Variants in PDZD2 observed in about 807,000 individuals in gnomAD.
PDZD2 encodes PDZ domain-containing protein 2.
In PDZD2, 90 loss-of-function variants were observed where a neutral mutation model predicts 220.7. The ratio of observed to expected loss-of-function variants is 0.41; its 90% CI spans 0.34 to 0.49. The LOEUF (loss-of-function observed/expected upper bound fraction) is 0.49, where lower values mean the gene tolerates loss of function less well. Ranked by LOEUF, PDZD2 falls within the 20% of genes least tolerant of loss-of-function variation. The pLI is 0.28. For missense variants in PDZD2, 3,174 were observed against 3,608.5 expected, an observed-to-expected ratio of 0.88 and a Z score of 3.08; for synonymous variants, 1,375 against 1,450.5, an observed-to-expected ratio of 0.95 and a Z score of 1.18.
At chr5:31,674,618 A>G (rs865925509) in intron 1 of PDZD2, among the ~76,000 whole-genome samples, 1 of 152,142 alleles carries the variant, frequency 6.6e-6, no homozygotes, top group Admixed American at 6.6e-5. Context: ...GGGAGGGAGG[A>G]CAAGATAGAA....
chr5:31,725,520 T>C, intron 1 of PDZD2: 1 of 1,323,578 alleles, frequency 7.6e-7, no homozygotes, highest in Non-Finnish European at 1.0e-6. Flanking sequence ...ATGATCATGG[T>C]TTATACTACC....
chr5:32,097,470 C>A, intron 22 of PDZD2, 90 bp downstream of exon 22: 1 of 789,058 alleles, frequency 1.3e-6, no homozygotes, highest in Non-Finnish European at 2.2e-6. Flanking sequence ...TCAGCGGGTT[C>A]AGAGATTGCT....
intron 2 of PDZD2, among the ~76,000 whole-genome samples, chr5:31,898,637 G>T (rs1490630781): frequency 6.6e-6 from 1 of 152,176 alleles, no homozygotes; most frequent in African/African-American, 2.4e-5. Flanking sequence ...ACATGGCAAA[G>T]TGATGCTTGC....
Position 31,946,755 on chromosome 5 carries a change from A to T in PDZD2, c.477-36400A>T, listed in dbSNP as rs575067790. ...TGCCCAGGTTGGAGTGCACTGGTGC[A>T]ATGATAGCTCACTGTAACCTTGAAC... On this transcript the variant is annotated intron_variant, in intron 2 of 24. Coordinates refer to ENST00000438447, the MANE Select transcript of PDZD2 (RefSeq NM_178140.4). Among the ~76,000 whole-genome samples, 5 of 152,306 alleles carry T rather than the reference A, an allele frequency of 3.3e-5. No homozygotes were observed. In the East Asian group the frequency reaches 7.7e-4, roughly 23 times the overall value.
chr5:31,949,462 G>T (rs894111772), intron 2 of PDZD2, among the ~76,000 whole-genome samples: 2 of 152,076 alleles, frequency 1.3e-5, no homozygotes, highest in Non-Finnish European at 2.9e-5. Flanking sequence ...AATATCTTCT[G>T]CCCTTTAATC....
intron 1 of PDZD2, among the ~76,000 whole-genome samples, chr5:31,696,789 C>T (rs402520): frequency 0.45 from 68,825 of 152,014 alleles, 16,275 homozygotes; most frequent in East Asian, 0.62. Flanking sequence ...AACTCTAGGC[C>T]CTTCTCCCCT....
chr5:31,935,953 C>A, intron 2 of PDZD2: 1 of 247,474 alleles, frequency 4.0e-6, no homozygotes, highest in Non-Finnish European at 6.5e-6. Context: ...TCCCCCCATA[C>A]TCCTGGAAAA....
intron 6 of PDZD2, among the ~76,000 whole-genome samples, chr5:32,012,772 T>A (rs1753428203): frequency 6.6e-6 from 1 of 152,092 alleles, no homozygotes; most frequent in South Asian, 2.1e-4. Flanking sequence ...AATACTAGTA[T>A]ATGAAGCTCT....
chr5:31,649,265 C>G (rs2150105492), intron 1 of PDZD2, among the ~76,000 whole-genome samples: 1 of 152,194 alleles, frequency 6.6e-6, no homozygotes, highest in South Asian at 2.1e-4. Flanking sequence ...ATTCAGGCTC[C>G]TTGCCCCAGT....
intron 16 of PDZD2, 151 bp downstream of exon 16, chr5:32,071,569 G>A: frequency 3.0e-6 from 2 of 676,940 alleles, no homozygotes; most frequent in East Asian, 2.5e-5. Flanking sequence ...ATGCTCATTT[G>A]AGAATAGATG....
At chr5:31,795,490 T>C (rs1753971808) in intron 1 of PDZD2, among the ~76,000 whole-genome samples, 1 of 152,204 alleles carries the variant, frequency 6.6e-6, no homozygotes, top group South Asian at 2.1e-4. Flanking sequence ...TACACAAAAA[T>C]GGACTGGGCT....
chr5:32,020,686 C>A (rs528308789), intron 6 of PDZD2, among the ~76,000 whole-genome samples: 97 of 151,216 alleles, frequency 6.4e-4, no homozygotes, highest in African/African-American at 2.3e-3. Context: ...TCACTGTCAC[C>A]CAGGCTGGAG....
chr5:31,973,180 A>T (rs937876038), intron 2 of PDZD2, among the ~76,000 whole-genome samples: 10 of 152,200 alleles, frequency 6.6e-5, no homozygotes, highest in Non-Finnish European at 8.8e-5. Flanking sequence ...CCAAATCTTC[A>T]TGTAAGCTTA....
In PDZD2 at chr5:31,940,616, T is replaced by C. The variant is rs190802272; in HGVS notation, c.477-42539T>C. Among the ~76,000 whole-genome samples the C allele has an allele frequency of 2.8e-3, 430 of 152,294 alleles. 2 individuals carry two copies. Among genetic ancestry groups the C allele is most frequent in the African/African-American group, 0.01 (418 of 41,554 alleles). On this transcript the variant is annotated intron_variant, in intron 2 of 24. Transcript: ENST00000438447. ...GTCTGTATTTTTGGTAATTTTGAGG[T>C]TTGGGGGTTGTCAGGTAGCCTAAAG...
At chr5:31,728,000 CTCA>C (rs1749278672) in intron 1 of PDZD2, among the ~76,000 whole-genome samples, 1 of 65,646 alleles carries the variant, frequency 1.5e-5, no homozygotes. Flanking sequence ...CAGACTCTGT[CTCA>C]AAAAAAAAAA....
intron 2 of PDZD2, among the ~76,000 whole-genome samples, chr5:31,974,936 G>T (rs1466725665): frequency 6.6e-6 from 1 of 152,028 alleles, no homozygotes. Context: ...ACTATGTAAT[G>T]GTAACAAGAT....
At chr5:31,709,455 C>G (rs4867377) in intron 1 of PDZD2, among the ~76,000 whole-genome samples, 80,183 of 150,846 alleles carry the variant, frequency 0.53, 21,613 homozygotes, top group African/African-American at 0.62. Context: ...TGCACTGCAG[C>G]CTGGGTGACA....
At chr5:31,914,593 A>C (rs1161950842) in intron 2 of PDZD2, among the ~76,000 whole-genome samples, 1 of 152,242 alleles carries the variant, frequency 6.6e-6, no homozygotes, top group Non-Finnish European at 1.5e-5. Flanking sequence ...AAAATTTAGG[A>C]GTAGATAGAA....
chr5:32,074,793 C>G lies in PDZD2; in HGVS notation c.3537+150C>G, dbSNP rs1025411468. On this transcript the variant is annotated intron_variant, in intron 18 of 24. Coordinates refer to ENST00000438447, the MANE Select transcript of PDZD2 (RefSeq NM_178140.4). ...TCAACAGAGTCAGTCACTTAAATAC[C>G]TGGACTGCTTGGAAGCCTTTTTTTT... is the stretch of plus-strand genomic sequence containing the variant. The G allele has an allele frequency of 6.7e-5, 41 of 615,452 alleles. 1 individual carries two copies. Among genetic ancestry groups the G allele is most frequent in the Non-Finnish European group, 1.0e-4 (37 of 353,904 alleles). The allele number at this position is 615,452 out of a possible 1,614,324, so 38.1% of individuals were successfully genotyped here.
Sources: allele counts gnomAD v4.1 joint callset (sites outside exome capture counted in the v4.1 genomes callset), GRCh38; gene constraint gnomAD v4.1.1; transcripts MANE v1.5; gene names NCBI Gene and HGNC (gene_info 2026-07-23, HGNC 2026-07-21).